The following SIPA1L1 variants were observed in gnomAD, a reference collection of about 807,000 sequenced individuals.
SIPA1L1 encodes the protein signal-induced proliferation-associated 1-like protein 1.
A neutral mutation model predicts 162.7 loss-of-function variants in SIPA1L1; 26 were observed. The ratio of observed to expected loss-of-function variants is 0.16; its 90% CI spans 0.12 to 0.22. The LOEUF (loss-of-function observed/expected upper bound fraction) is 0.22, where lower values mean the gene tolerates loss of function less well. Ranked by LOEUF, SIPA1L1 falls within the 10% of genes least tolerant of loss-of-function variation. SIPA1L1 has a pLI of 1.00. For missense variants in SIPA1L1, 1,874 were observed against 2,241.0 expected (o/e 0.84, Z 3.31); for synonymous variants, 829 against 837.4 (o/e 0.99, Z 0.17).
At chr14:71,440,823 GA>G (rs1221450140) in intron 2 of SIPA1L1, among the ~76,000 whole-genome samples, 1 of 152,040 alleles carries the variant, frequency 6.6e-6, no homozygotes, top group Non-Finnish European at 1.5e-5. Context: ...CTAGGACTTG[GA>G]GTGCCTAATC....
At chr14:71,543,311 C>G (rs2054643111) in intron 4 of SIPA1L1, among the ~76,000 whole-genome samples, 3 of 152,164 alleles carry the variant, frequency 2.0e-5, no homozygotes, top group African/African-American at 7.2e-5. Flanking sequence ...ATTTGGGTTT[C>G]TGATTATTGG....
intron 5 of SIPA1L1, among the ~76,000 whole-genome samples, chr14:71,596,967 A>G (rs28394211): frequency 0.031 from 4,759 of 151,898 alleles, 261 homozygotes; most frequent in African/African-American, 0.11. Flanking sequence ...TAATCCCCCA[A>G]TAACTCATAT....
intron 5 of SIPA1L1, among the ~76,000 whole-genome samples, chr14:71,604,894 C>T (rs1430749421): frequency 6.6e-6 from 1 of 152,092 alleles, no homozygotes; most frequent in East Asian, 1.9e-4. Context: ...GTTTGGGGAT[C>T]TGTAAGCTTC....
At chr14:71,621,353 A>G (rs1308496738) in intron 6 of SIPA1L1, among the ~76,000 whole-genome samples, 1 of 151,986 alleles carries the variant, frequency 6.6e-6, no homozygotes, top group Non-Finnish European at 1.5e-5. Context: ...TTTCCCGGTT[A>G]TCTCTCTGCG....
intron 16 of SIPA1L1, among the ~76,000 whole-genome samples, chr14:71,707,149 A>G (rs1654557976): frequency 1.3e-5 from 2 of 151,458 alleles, no homozygotes; most frequent in Non-Finnish European, 2.9e-5. Context: ...ACACACACGC[A>G]CACACACACA....
At chr14:71,632,435 A>G (rs1326759585) in intron 7 of SIPA1L1, among the ~76,000 whole-genome samples, 1 of 152,228 alleles carries the variant, frequency 6.6e-6, no homozygotes, top group African/African-American at 2.4e-5. Context: ...CTCCAACTGC[A>G]CAGTACAAAA....
intron 2 of SIPA1L1, among the ~76,000 whole-genome samples, chr14:71,360,863 A>AG (rs1335317289): frequency 6.6e-6 from 1 of 152,242 alleles, no homozygotes; most frequent in Non-Finnish European, 1.5e-5. Context: ...AGTGAAAAAA[A>AG]CTTAGAAAAT....
intron 2 of SIPA1L1, among the ~76,000 whole-genome samples, chr14:71,357,772 C>T (rs932248330): frequency 1.1e-4 from 17 of 152,026 alleles, no homozygotes; most frequent in African/African-American, 3.9e-4. Context: ...CTGTCACCCA[C>T]GCTGCAGTGC....
intron 17 of SIPA1L1, among the ~76,000 whole-genome samples, chr14:71,713,102 C>T (rs1205203988): frequency 6.6e-6 from 1 of 152,180 alleles, no homozygotes; most frequent in Non-Finnish European, 1.5e-5. Flanking sequence ...GGCCTATAGT[C>T]CCAGCTGCTC....
chr14:71,623,104 C>T (rs537402118), intron 6 of SIPA1L1, among the ~76,000 whole-genome samples: 8 of 152,330 alleles, frequency 5.3e-5, no homozygotes, highest in Admixed American at 4.6e-4. Flanking sequence ...GGTCCATTCT[C>T]TGCCTTTGGA....
intron 21 of SIPA1L1, among the ~76,000 whole-genome samples, chr14:71,734,903 C>G (rs2085145626): frequency 6.6e-6 from 1 of 152,172 alleles, no homozygotes; most frequent in African/African-American, 2.4e-5. Flanking sequence ...AAACATACTT[C>G]AAGAAGTTTT....
intron 6 of SIPA1L1, among the ~76,000 whole-genome samples, chr14:71,619,955 G>A (rs1052925903): frequency 6.6e-6 from 1 of 152,194 alleles, no homozygotes; most frequent in Non-Finnish European, 1.5e-5. Context: ...TAATCATTAA[G>A]TGGTGTAAAT....
chr14:71,326,997 C>T (rs965969508), intron 2 of SIPA1L1, among the ~76,000 whole-genome samples: 1 of 151,902 alleles, frequency 6.6e-6, no homozygotes, highest in South Asian at 2.1e-4. Flanking sequence ...CAGATGTGAG[C>T]CATTGCGCCC....
intron 5 of SIPA1L1, among the ~76,000 whole-genome samples, chr14:71,614,150 G>A (rs552986104): frequency 3.9e-5 from 6 of 151,924 alleles, no homozygotes; most frequent in South Asian, 2.1e-4. Flanking sequence ...CCCAGGAGGC[G>A]GAGGTTGCAG....
intron 7 of SIPA1L1, among the ~76,000 whole-genome samples, chr14:71,632,792 T>C (rs1162181064): frequency 6.6e-6 from 1 of 152,216 alleles, no homozygotes; most frequent in Non-Finnish European, 1.5e-5. Flanking sequence ...GAGGTGTTGC[T>C]TTCCCTTAGG....
At chr14:71,694,954 G>A (rs934404024) in intron 13 of SIPA1L1, among the ~76,000 whole-genome samples, 1 of 152,164 alleles carries the variant, frequency 6.6e-6, no homozygotes, top group African/African-American at 2.4e-5. Flanking sequence ...TTTCCTATGT[G>A]AGCCAATGTG....
chr14:71,453,867 T>C (rs1301690851), intron 2 of SIPA1L1, among the ~76,000 whole-genome samples: 8 of 151,530 alleles, frequency 5.3e-5, no homozygotes, highest in Non-Finnish European at 1.5e-5. Flanking sequence ...GGTGGCTCAC[T>C]CGTGTAATCC....
chr14:71,393,682 T>C lies in SIPA1L1; in HGVS notation c.-465+72501T>C, dbSNP rs1438418724. 2.0e-5 allele frequency among the ~76,000 whole-genome samples: 3 copies of C among 151,982 alleles called. No individual in the cohort carries two copies. The East Asian group carries it at 5.8e-4, about 29-fold the overall frequency. On this transcript the variant is annotated intron_variant, in intron 2 of 23. Coordinates refer to ENST00000381232, the MANE Select transcript of SIPA1L1 (RefSeq NM_001386936.1). Reference sequence around the variant, plus strand: ...CCACCAAAAAAAACTTCAGCTGGGATTGGTGGCATGTACCTGAAGTCCCAG... The same window carrying C: ...CCACCAAAAAAAACTTCAGCTGGGACTGGTGGCATGTACCTGAAGTCCCAG...
At chr14:71,618,003 A>G (rs1396449010) in intron 5 of SIPA1L1, among the ~76,000 whole-genome samples, 1 of 152,218 alleles carries the variant, frequency 6.6e-6, no homozygotes. Context: ...CTTAATTTTG[A>G]TCCCTATCTT....
Sources: gnomAD v4.1 joint callset for allele counts (sites outside exome capture counted in the v4.1 genomes callset) on GRCh38, gnomAD v4.1.1 for gene constraint, MANE v1.5 for transcripts, NCBI Gene and HGNC (gene_info 2026-07-23, HGNC 2026-07-21) for gene names.